The following PAX5 variants were observed in gnomAD, a reference collection of about 807,000 sequenced individuals.
PAX5 encodes paired box 5.
Under a neutral mutation model 43.7 loss-of-function variants are expected in PAX5, and 9 were observed. That is an observed-to-expected ratio of 0.21 (90% CI 0.12 to 0.36). The LOEUF (loss-of-function observed/expected upper bound fraction) is 0.36, where lower values mean the gene tolerates loss of function less well. PAX5 is among the 10% of genes least tolerant of loss of function. The probability of loss-of-function intolerance (pLI) is 1.00; values close to 1 mark genes in which losing one functional copy is unlikely to be tolerated. For synonymous variants in PAX5, 228 were observed against 214.3 expected, an observed-to-expected ratio of 1.06 and a Z score of -0.56; for missense variants, 383 against 532.7, an observed-to-expected ratio of 0.72 and a Z score of 2.77.
intron 7 of PAX5, among the ~76,000 whole-genome samples, chr9:36,903,063 G>A (rs755165102): frequency 1.1e-4 from 17 of 152,178 alleles, no homozygotes; most frequent in Non-Finnish European, 1.9e-4. Flanking sequence ...CTCCTCTCAG[G>A]CAGGCCGGGC....
intron 5 of PAX5, among the ~76,000 whole-genome samples, chr9:36,984,613 T>C (rs1009416981): frequency 6.6e-6 from 1 of 151,794 alleles, no homozygotes; most frequent in Non-Finnish European, 1.5e-5. Flanking sequence ...GCTAATTTTT[T>C]GTATTTTTAG....
chr9:36,899,779 A>C (rs1828204218), intron 7 of PAX5, among the ~76,000 whole-genome samples: 1 of 152,150 alleles, frequency 6.6e-6, no homozygotes, highest in African/African-American at 2.4e-5. Context: ...CCCCCACCCC[A>C]TGGCCTCCTG....
At chr9:36,894,358 T>C (rs1359393601) in intron 7 of PAX5, among the ~76,000 whole-genome samples, 1 of 152,200 alleles carries the variant, frequency 6.6e-6, no homozygotes, top group Non-Finnish European at 1.5e-5. Context: ...ATAGATTTTA[T>C]GTAAACAAGA....
intron 7 of PAX5, among the ~76,000 whole-genome samples, chr9:36,884,956 C>T (rs931963213): frequency 1.3e-5 from 2 of 152,212 alleles, no homozygotes; most frequent in Non-Finnish European, 2.9e-5. Context: ...ACTCTGCCTC[C>T]GAGTTCCCAT....
At chr9:37,022,443 C>T (rs1031125060) in intron 1 of PAX5, among the ~76,000 whole-genome samples, 25 of 152,188 alleles carry the variant, frequency 1.6e-4, no homozygotes, top group African/African-American at 5.8e-4. Context: ...CTTTCAAGAG[C>T]AGGCTGGATT....
intron 5 of PAX5, among the ~76,000 whole-genome samples, chr9:36,994,016 G>A (rs1347538755): frequency 6.6e-6 from 1 of 152,168 alleles, no homozygotes; most frequent in Non-Finnish European, 1.5e-5. Flanking sequence ...TGGCTCTCAC[G>A]GGGGCTCTCG....
intron 2 of PAX5, among the ~76,000 whole-genome samples, chr9:37,017,704 A>C (rs1839503001): frequency 6.6e-6 from 1 of 152,238 alleles, no homozygotes; most frequent in African/African-American, 2.4e-5. Flanking sequence ...CCCCACTTAC[A>C]TAGCTGGCGG....
At chr9:36,920,635 G>A (rs534786101) in intron 7 of PAX5, among the ~76,000 whole-genome samples, 4 of 152,016 alleles carry the variant, frequency 2.6e-5, no homozygotes, top group East Asian at 1.9e-4. Flanking sequence ...ATTTTGGATC[G>A]CTTTGGATTT....
intron 1 of PAX5, chr9:37,026,605 C>G: frequency 7.4e-7 from 1 of 1,350,052 alleles, no homozygotes; most frequent in Non-Finnish European, 9.7e-7. Context: ...GGCCGGCCCA[C>G]GCCGCCGCCT....
At chr9:36,916,492 A>T (rs1563963694) in intron 7 of PAX5, among the ~76,000 whole-genome samples, 1 of 152,194 alleles carries the variant, frequency 6.6e-6, no homozygotes, top group South Asian at 2.1e-4. Context: ...TTTTGATAGA[A>T]ATTATTTTGA....
At chr9:36,860,353 A>G (rs1005429266) in intron 8 of PAX5, among the ~76,000 whole-genome samples, 10 of 152,026 alleles carry the variant, frequency 6.6e-5, no homozygotes, top group South Asian at 4.1e-4. Context: ...AAAAAAAATC[A>G]TCTGGGAAGC....
chr9:37,003,719 C>T (rs1838143374), intron 4 of PAX5, among the ~76,000 whole-genome samples: 2 of 152,168 alleles, frequency 1.3e-5, no homozygotes, highest in Non-Finnish European at 2.9e-5. Flanking sequence ...AGCCTATAAT[C>T]CCAGCTACTT....
intron 8 of PAX5, among the ~76,000 whole-genome samples, chr9:36,881,748 CTG>C (rs1434733943): frequency 6.6e-6 from 1 of 152,056 alleles, no homozygotes; most frequent in East Asian, 1.9e-4. Flanking sequence ...TGTTCAGACT[CTG>C]TACGTGGCCA....
intron 8 of PAX5, among the ~76,000 whole-genome samples, chr9:36,877,943 A>C (rs114371396): frequency 0.019 from 2,872 of 152,354 alleles, 95 homozygotes; most frequent in African/African-American, 0.066. Flanking sequence ...GATTCGACAC[A>C]CAGAGTAGAA....
chr9:37,002,605 C>A, intron 5 of PAX5, 43 bp downstream of exon 5: 3 of 1,588,210 alleles, frequency 1.9e-6, no homozygotes, highest in Non-Finnish European at 2.6e-6. Context: ...GAAACAGACC[C>A]CGTGGAGCGC....
At chr9:37,007,271 A>G (rs565312105) in intron 3 of PAX5, among the ~76,000 whole-genome samples, 76 of 152,350 alleles carry the variant, frequency 5.0e-4, no homozygotes, top group Non-Finnish European at 7.8e-4. Flanking sequence ...GACCAAGTAC[A>G]TTCCATTGTG....
intron 7 of PAX5, among the ~76,000 whole-genome samples, chr9:36,900,036 G>A (rs776708297): frequency 2.0e-5 from 3 of 152,180 alleles, no homozygotes; most frequent in African/African-American, 7.2e-5. Context: ...TTCCAGCCTT[G>A]TTACCTTGGA....
chr9:37,029,668 C>A (rs987757230), intron 1 of PAX5, among the ~76,000 whole-genome samples: 1 of 152,172 alleles, frequency 6.6e-6, no homozygotes, highest in South Asian at 2.1e-4. Context: ...CTCAACATGG[C>A]GGCTTGCACA....
At chr9:36,998,591 G>A (rs889358585) in intron 5 of PAX5, among the ~76,000 whole-genome samples, 11 of 152,200 alleles carry the variant, frequency 7.2e-5, no homozygotes, top group Non-Finnish European at 1.2e-4. Context: ...GTCCTATGTA[G>A]CTACTGTGCA....
Sources: allele counts gnomAD v4.1 joint callset (sites outside exome capture counted in the v4.1 genomes callset), GRCh38; gene constraint gnomAD v4.1.1; transcripts MANE v1.5; gene names NCBI Gene and HGNC (gene_info 2026-07-23, HGNC 2026-07-21).